The following DNAH7 variants were observed in gnomAD, a reference collection of about 807,000 sequenced individuals.
The protein encoded by DNAH7 is axonemal beta dynein heavy chain 7.
Under a neutral mutation model 444.6 loss-of-function variants are expected in DNAH7, and 397 were observed. That is an observed-to-expected ratio of 0.89 (90% CI 0.82 to 0.97). The LOEUF (loss-of-function observed/expected upper bound fraction) is 0.97. DNAH7 is among the 50% of genes least tolerant of loss of function. The pLI, the probability that DNAH7 is intolerant of heterozygous loss-of-function variation, is 0.00. For missense variants in DNAH7, 4,902 were observed against 4,800.8 expected (o/e 1.02, Z -0.62); for synonymous variants, 1,636 against 1,624.4 (o/e 1.01, Z -0.17).
intron 55 of DNAH7, among the ~76,000 whole-genome samples, chr2:195,797,634 T>C (rs1696223624): frequency 6.6e-6 from 1 of 152,222 alleles, no homozygotes; most frequent in Admixed American, 6.5e-5. Context: ...ATTCCCACTC[T>C]ACTCCTACCC....
chr2:196,051,573 C>G (rs1311406466), intron 2 of DNAH7, among the ~76,000 whole-genome samples: 1 of 152,106 alleles, frequency 6.6e-6, no homozygotes, highest in Non-Finnish European at 1.5e-5. Flanking sequence ...CGAGACCATC[C>G]TGGCTAACAT....
At chr2:195,998,349 C>T (rs914667869) in intron 12 of DNAH7, among the ~76,000 whole-genome samples, 1 of 152,036 alleles carries the variant, frequency 6.6e-6, no homozygotes, top group Non-Finnish European at 1.5e-5. Flanking sequence ...CAGAGGTGGG[C>T]GGATCACGAG....
At chr2:195,996,653 T>C (rs980256675) in intron 12 of DNAH7, among the ~76,000 whole-genome samples, 1 of 152,158 alleles carries the variant, frequency 6.6e-6, no homozygotes, top group African/African-American at 2.4e-5. Context: ...CTCAAACTCC[T>C]GACCTCAGGT....
intron 19 of DNAH7, among the ~76,000 whole-genome samples, chr2:195,950,586 C>T (rs894371742): frequency 1.3e-5 from 2 of 151,768 alleles, no homozygotes; most frequent in African/African-American, 2.4e-5. Context: ...TGGTGGCTCA[C>T]GCCTGTAATC....
At position 195,970,857 on chromosome 2, in the gene DNAH7, G is replaced by A. The variant is rs374540134; in HGVS notation, c.2059-763C>T. On this transcript the variant is annotated intron_variant, in intron 16 of 64. Transcript: ENST00000312428. ...ATGTCCTCTTTTCTCTAGTTTCCTG[G>A]CAAACTTATTGCTCTAGCCCAGTCG... Among the ~76,000 whole-genome samples, 90 of 152,088 alleles carry A rather than the reference G, an allele frequency of 5.9e-4. 2 individuals carry two copies. The South Asian group carries it at 0.019, about 32-fold the overall frequency.
At chr2:195,809,051 T>C (rs373184694) in intron 52 of DNAH7, among the ~76,000 whole-genome samples, 175 bp from the exon 53 acceptor site, 144 of 152,364 alleles carry the variant, frequency 9.5e-4, no homozygotes, top group African/African-American at 3.4e-3. Flanking sequence ...AGTATACTCA[T>C]GATAACCAGT....
At chr2:195,947,127 T>C (rs1047797674) in intron 19 of DNAH7, among the ~76,000 whole-genome samples, 2 of 147,858 alleles carry the variant, frequency 1.4e-5, no homozygotes, top group African/African-American at 4.9e-5. Flanking sequence ...TATAATTATA[T>C]ATTATATATC....
rs552188789 is a variant in DNAH7 at position 195,836,719 on chromosome 2, T to C, written c.8946-2359A>G. On this transcript the variant is annotated intron_variant, in intron 47 of 64. Coordinates refer to ENST00000312428, the MANE Select transcript of DNAH7 (RefSeq NM_018897.3). The stretch of plus-strand genomic sequence containing the variant: ...TTAGAAAGAAATAAAAATATAAATA[T>C]ATAAAAAGTTTTCATTATGTCACAT... 2.0e-5 allele frequency among the ~76,000 whole-genome samples: 3 copies of C among 152,218 alleles called. No homozygotes were observed. In the East Asian group the frequency reaches 5.8e-4, roughly 29 times the overall value.
chr2:195,959,387 G>A (rs1018605069), intron 18 of DNAH7, among the ~76,000 whole-genome samples: 6 of 152,080 alleles, frequency 3.9e-5, no homozygotes, highest in African/African-American at 1.2e-4. Context: ...AGCAGCTAAT[G>A]ATATCACGCA....
intron 5 of DNAH7, among the ~76,000 whole-genome samples, chr2:196,029,889 G>A (rs1695935478): frequency 6.6e-6 from 1 of 151,934 alleles, no homozygotes; most frequent in Non-Finnish European, 1.5e-5. Flanking sequence ...AAAATCAGTA[G>A]AAGCTTTTGG....
At chr2:195,990,890 C>T (rs1693274590) in intron 12 of DNAH7, among the ~76,000 whole-genome samples, 3 of 117,656 alleles carry the variant, frequency 2.5e-5, no homozygotes, top group Admixed American at 9.1e-5. Flanking sequence ...TACATATATA[C>T]TTATATACAT....
In DNAH7 at chr2:196,032,928, A is replaced by G. The variant is rs1252407932; in HGVS notation, c.399-4881T>C. Among the ~76,000 whole-genome samples the G allele has an allele frequency of 2.0e-5, 3 of 152,330 alleles. No individual in the cohort carries two copies. The East Asian group carries it at 5.8e-4, about 29-fold the overall frequency. The stretch of plus-strand genomic sequence containing the variant: ...GGATTACACACAATGACTAAGTGAG[A>G]GGAATGCAAGGTTGCACTAATATAT... On this transcript the variant is annotated intron_variant, in intron 5 of 64. Transcript: ENST00000312428.
chr2:196,036,467 A>C (rs1425033546), intron 5 of DNAH7, among the ~76,000 whole-genome samples: 1 of 152,164 alleles, frequency 6.6e-6, no homozygotes, highest in Non-Finnish European at 1.5e-5. Context: ...TACCCAAGGA[A>C]TAGGCGATCC....
intron 12 of DNAH7, chr2:195,995,349 C>T (rs1451107592): frequency 5.8e-6 from 3 of 519,146 alleles, no homozygotes; most frequent in Non-Finnish European, 7.8e-6. Flanking sequence ...GAGAGACTGG[C>T]TCAGGAGCTG....
intron 4 of DNAH7, 91 bp from the exon 5 acceptor site, chr2:196,047,590 T>C (rs1697217126): frequency 8.7e-7 from 1 of 1,155,948 alleles, no homozygotes; most frequent in African/African-American, 1.6e-5. Flanking sequence ...CTAAATCACC[T>C]TTTAATAAAA....
At chr2:195,910,984 G>A (rs754940745) in intron 24 of DNAH7, among the ~76,000 whole-genome samples, 1 of 151,940 alleles carries the variant, frequency 6.6e-6, no homozygotes, top group African/African-American at 2.4e-5. Flanking sequence ...AAAAACTCTA[G>A]AGTCTTCCTC....
intron 8 of DNAH7, among the ~76,000 whole-genome samples, chr2:196,022,842 G>A (rs1695461490): frequency 6.6e-6 from 1 of 152,196 alleles, no homozygotes; most frequent in Admixed American, 6.5e-5. Context: ...AGATCCCTCA[G>A]AGAAATCACT....
chr2:196,041,645 TG>T (rs1344217088), intron 5 of DNAH7, among the ~76,000 whole-genome samples: 2 of 152,052 alleles, frequency 1.3e-5, no homozygotes, highest in Non-Finnish European at 2.9e-5. Flanking sequence ...GAGATTGGTC[TG>T]GGCAAAGATT....
At chr2:195,769,604 G>C (rs748835141) in intron 61 of DNAH7, among the ~76,000 whole-genome samples, 3 of 151,890 alleles carry the variant, frequency 2.0e-5, no homozygotes, top group Non-Finnish European at 4.4e-5. Context: ...CTGGGTCTAG[G>C]GGGTAAAGGT....
Sources: gnomAD v4.1 joint callset for allele counts (sites outside exome capture counted in the v4.1 genomes callset) on GRCh38, gnomAD v4.1.1 for gene constraint, MANE v1.5 for transcripts, NCBI Gene and HGNC (gene_info 2026-07-23, HGNC 2026-07-21) for gene names.